The following COL25A1 variants were observed in gnomAD, a reference collection of about 807,000 sequenced individuals.
COL25A1 encodes collagen type XXV alpha 1 chain.
In COL25A1, 103 loss-of-function variants were observed where a neutral mutation model predicts 128.4. That is an observed-to-expected ratio of 0.80 (90% CI 0.68 to 0.94). The LOEUF (loss-of-function observed/expected upper bound fraction) is 0.94. COL25A1 is among the 40% of genes least tolerant of loss of function. The pLI is 0.00. For missense variants in COL25A1, 745 were observed against 840.0 expected, an observed-to-expected ratio of 0.89 and a Z score of 1.40; for synonymous variants, 279 against 277.2, an observed-to-expected ratio of 1.01 and a Z score of -0.06.
At chr4:109,164,092 A>C (rs1400759566) in intron 3 of COL25A1, among the ~76,000 whole-genome samples, 1 of 152,176 alleles carries the variant, frequency 6.6e-6, no homozygotes, top group Non-Finnish European at 1.5e-5. Flanking sequence ...TGTATTCAAC[A>C]AACTCTGCTT....
intron 3 of COL25A1, among the ~76,000 whole-genome samples, chr4:109,212,147 AACC>A (rs1777615659): frequency 6.6e-6 from 1 of 152,154 alleles, no homozygotes; most frequent in Admixed American, 6.6e-5. Context: ...GCTCATAGCA[AACC>A]ACCTATAAAC....
intron 3 of COL25A1, among the ~76,000 whole-genome samples, chr4:109,134,717 A>G (rs1021868141): frequency 1.3e-5 from 2 of 152,108 alleles, no homozygotes; most frequent in Non-Finnish European, 2.9e-5. Context: ...CGGTGAAGCT[A>G]TCGACTGAGA....
chr4:109,253,188 T>A (rs1201368668), intron 3 of COL25A1, among the ~76,000 whole-genome samples: 3 of 152,194 alleles, frequency 2.0e-5, no homozygotes, highest in Non-Finnish European at 4.4e-5. Flanking sequence ...GCAGGATTCT[T>A]CTGAGAAACA....
At chr4:109,021,796 G>A (rs893067547) in intron 5 of COL25A1, 20 of 453,386 alleles carry the variant, frequency 4.4e-5, no homozygotes, top group African/African-American at 1.4e-4. Context: ...ATAAACCACC[G>A]CTCTGGGAGT....
intron 3 of COL25A1, among the ~76,000 whole-genome samples, chr4:109,053,540 G>A (rs1391826158): frequency 1.3e-5 from 2 of 152,140 alleles, no homozygotes; most frequent in East Asian, 3.9e-4. Context: ...GTGGTTATTG[G>A]AAGTAGCTGG....
intron 3 of COL25A1, among the ~76,000 whole-genome samples, chr4:109,196,926 T>C (rs1170527561): frequency 1.3e-5 from 2 of 152,348 alleles, no homozygotes; most frequent in East Asian, 1.9e-4. Context: ...AGTATTGCTA[T>C]TTCTTGTTAC....
At chr4:108,965,749 GA>G (rs1198632640) in intron 8 of COL25A1, among the ~76,000 whole-genome samples, 2 of 151,756 alleles carry the variant, frequency 1.3e-5, no homozygotes, top group African/African-American at 4.8e-5. Flanking sequence ...ATGACAACGG[GA>G]GAAGCATTAA....
intron 6 of COL25A1, among the ~76,000 whole-genome samples, chr4:108,975,681 A>G (rs1417776741): frequency 6.6e-6 from 1 of 152,284 alleles, no homozygotes; most frequent in African/African-American, 2.4e-5. Context: ...GATATTTTCT[A>G]TCTTTTTCAT....
intron 35 of COL25A1, among the ~76,000 whole-genome samples, chr4:108,822,476 G>A (rs1236950285): frequency 6.6e-6 from 1 of 152,102 alleles, no homozygotes; most frequent in Non-Finnish European, 1.5e-5. Context: ...AAGTACAGTG[G>A]TATGAGCATA....
At position 109,068,409 on chromosome 4, in the gene COL25A1, A is replaced by T. The variant is rs1762639806; in HGVS notation, c.368-18230T>A. Among the ~76,000 whole-genome samples, 7 of 152,042 alleles carry T rather than the reference A, an allele frequency of 4.6e-5. No individual in the cohort carries two copies. In the South Asian group the frequency reaches 1.5e-3, roughly 32 times the overall value. On this transcript the variant is annotated intron_variant, in intron 3 of 37. Coordinates refer to ENST00000399132, the MANE Select transcript of COL25A1 (RefSeq NM_198721.4). Reference sequence around the variant, plus strand: ...GGAGGGAGAGAGGAAGGAAGGAAAGAGGAAAGGAAGGGAGGGAGGGAAGCA... The same window carrying T: ...GGAGGGAGAGAGGAAGGAAGGAAAGTGGAAAGGAAGGGAGGGAGGGAAGCA...
At chr4:109,294,787 G>A (rs1282484117) in intron 3 of COL25A1, among the ~76,000 whole-genome samples, 2 of 152,022 alleles carry the variant, frequency 1.3e-5, no homozygotes, top group Non-Finnish European at 2.9e-5. Context: ...GGATAACATA[G>A]ATTGATGTTA....
chr4:108,978,273 G>A (rs1254481108), intron 6 of COL25A1, among the ~76,000 whole-genome samples: 2 of 152,188 alleles, frequency 1.3e-5, no homozygotes, highest in Non-Finnish European at 2.9e-5. Context: ...CGGCTGCTTC[G>A]GACGCTCCGG....
At chr4:109,039,651 C>T (rs2125925630) in intron 5 of COL25A1, among the ~76,000 whole-genome samples, 1 of 152,284 alleles carries the variant, frequency 6.6e-6, no homozygotes, top group Middle Eastern at 3.4e-3. Context: ...TGTTTTCTTC[C>T]TCTCTAGATG....
chr4:109,271,170 T>C (rs1782172397), intron 3 of COL25A1, among the ~76,000 whole-genome samples: 1 of 152,224 alleles, frequency 6.6e-6, no homozygotes, highest in Non-Finnish European at 1.5e-5. Flanking sequence ...TAATGCTATT[T>C]TTCTTTTTTA....
At chr4:109,186,081 A>T (rs1182551816) in intron 3 of COL25A1, among the ~76,000 whole-genome samples, 2 of 152,254 alleles carry the variant, frequency 1.3e-5, no homozygotes, top group East Asian at 1.9e-4. Flanking sequence ...GCAATGAGGC[A>T]TCTCTCTTGC....
At chr4:108,889,133 A>G in intron 18 of COL25A1, 88 bp downstream of exon 18, 1 of 1,178,900 alleles carries the variant, frequency 8.5e-7, no homozygotes, top group South Asian at 1.3e-5. Context: ...ATCATTTTGT[A>G]ATAATTGTTT....
chr4:108,904,421 A>T (rs571253891), intron 13 of COL25A1, among the ~76,000 whole-genome samples: 8 of 152,168 alleles, frequency 5.3e-5, no homozygotes, highest in Non-Finnish European at 1.2e-4. Context: ...AAGCATAATA[A>T]ATAGAAAACA....
intron 6 of COL25A1, among the ~76,000 whole-genome samples, chr4:108,975,803 C>T (rs928667840): frequency 6.6e-6 from 1 of 152,224 alleles, no homozygotes; most frequent in South Asian, 2.1e-4. Flanking sequence ...CATTTTACAT[C>T]CTTTTTCATA....
Position 109,247,862 on chromosome 4 carries a change from C to A in COL25A1, c.367+52721G>T, listed in dbSNP as rs774836813. Among the ~76,000 whole-genome samples the A allele has an allele frequency of 5.9e-5, 9 of 152,042 alleles. No individual in the cohort carries two copies. The East Asian group carries it at 1.6e-3, about 26-fold the overall frequency. On this transcript the variant is annotated intron_variant, in intron 3 of 37. Coordinates refer to ENST00000399132, the MANE Select transcript of COL25A1 (RefSeq NM_198721.4). ...AAGAGACAAGATCCAAGTAAAACAT[C>A]AAAGGATGCTTTTAGCCAGCAAAGG...
Sources: gnomAD v4.1 joint callset for allele counts (sites outside exome capture counted in the v4.1 genomes callset) on GRCh38, gnomAD v4.1.1 for gene constraint, MANE v1.5 for transcripts, NCBI Gene and HGNC (gene_info 2026-07-23, HGNC 2026-07-21) for gene names.